The following GTF2A2 variants were observed in gnomAD, a reference collection of about 807,000 sequenced individuals.
GTF2A2 encodes general transcription factor IIA subunit 2, also known as transcription initiation factor IIA subunit 2.
GTF2A2 carries 9 observed loss-of-function variants against 14.3 expected under a neutral mutation model. That is an observed-to-expected ratio of 0.63 (90% CI 0.38 to 1.10). The LOEUF is 1.10. Ranked by LOEUF, GTF2A2 falls within the 50% of genes least tolerant of loss-of-function variation. The pLI, the probability that GTF2A2 is intolerant of heterozygous loss-of-function variation, is 0.01. For synonymous variants in GTF2A2, 56 were observed against 46.0 expected, an observed-to-expected ratio of 1.22 and a Z score of -0.88; for missense variants, 90 against 124.6, an observed-to-expected ratio of 0.72 and a Z score of 1.32.
chr15:59,639,118 CAT>C lies in GTF2A2; in HGVS notation c.*12_*13del, dbSNP rs1491517447. On this transcript the variant is annotated 3_prime_UTR_variant, in exon 5 of 5. Coordinates refer to ENST00000396060, the MANE Select transcript of GTF2A2 (RefSeq NM_004492.3). Reference sequence around the variant, plus strand: ...ATAACAGAAGATGGTGTAAAAAAGTCATATTTTTTCTATTCATTCTGTAGTAT... The same window carrying C: ...ATAACAGAAGATGGTGTAAAAAAGTCATTTTTTCTATTCATTCTGTAGTAT... 5.6e-5 allele frequency: 78 copies of C among 1,389,126 alleles called. No individual in the cohort carries two copies. The highest frequency in any genetic ancestry group is 1.9e-4 in the Middle Eastern group (1 of 5,276). The allele number at this position is 1,389,126 out of a possible 1,614,324, so 86.1% of individuals were successfully genotyped here.
rs1891287782 is a variant in GTF2A2 at position 59,639,061 on chromosome 15, G to A, written c.*71C>T. 6 of 882,734 alleles carry A rather than the reference G, an allele frequency of 6.8e-6. No individual in the cohort carries two copies. Among genetic ancestry groups the A allele is most frequent in the Non-Finnish European group, 1.1e-5 (6 of 523,990 alleles). 54.7% of individuals were successfully genotyped at this position (882,734 alleles called of 1,614,324 possible). On this transcript the variant is annotated 3_prime_UTR_variant, in exon 5 of 5. Coordinates refer to ENST00000396060, the MANE Select transcript of GTF2A2 (RefSeq NM_004492.3). Reference sequence around the variant, plus strand: ...TCTGCAATTCTAGAATAAATAAAAAGTCTCTTCTATGCTTCTCTTCAAAAG... The same window carrying A: ...TCTGCAATTCTAGAATAAATAAAAAATCTCTTCTATGCTTCTCTTCAAAAG...
At chr15:59,642,778 A>AT (rs1185504601) in intron 3 of GTF2A2, among the ~76,000 whole-genome samples, 4 of 152,034 alleles carry the variant, frequency 2.6e-5, no homozygotes, top group Non-Finnish European at 5.9e-5. Context: ...TTTTCATTTT[A>AT]TTTTTTTGAG....
chr15:59,651,320 G>C (rs1325227832), intron 2 of GTF2A2: 3 of 152,778 alleles, frequency 2.0e-5, no homozygotes, highest in Admixed American at 6.5e-5. Context: ...TGGGATTACA[G>C]ATGTGTGCCA....
chr15:59,648,401 C>CAAAAAAAAAAAAAAAAAAAAAAA (rs71425875), intron 3 of GTF2A2, among the ~76,000 whole-genome samples: 1 of 90,568 alleles, frequency 1.1e-5, no homozygotes, highest in Non-Finnish European at 2.0e-5. Context: ...GACTTCGTCT[C>CAAAAAAAAAAAAAAAAAAAAAAA]AAAAAAAAAA....
intron 3 of GTF2A2, among the ~76,000 whole-genome samples, chr15:59,646,395 C>T (rs535140228): frequency 9.9e-4 from 150 of 152,184 alleles, no homozygotes; most frequent in Admixed American, 2.6e-3. Context: ...TTTTATCCCT[C>T]GCCACCCTCC....
intron 3 of GTF2A2, among the ~76,000 whole-genome samples, chr15:59,645,150 T>A (rs765405786): frequency 9.2e-5 from 14 of 152,192 alleles, no homozygotes; most frequent in Non-Finnish European, 1.6e-4. Context: ...AGTTTCTGAC[T>A]TGAATGTCAA....
intron 4 of GTF2A2, among the ~76,000 whole-genome samples, chr15:59,641,875 G>A (rs1339247213): frequency 6.6e-6 from 1 of 152,076 alleles, no homozygotes; most frequent in Non-Finnish European, 1.5e-5. Flanking sequence ...ATGGAAATAG[G>A]GAACAAATGC....
At chr15:59,645,296 C>G (rs541475431) in intron 3 of GTF2A2, among the ~76,000 whole-genome samples, 1 of 152,208 alleles carries the variant, frequency 6.6e-6, no homozygotes, top group Non-Finnish European at 1.5e-5. Flanking sequence ...TTCAGTTTAA[C>G]CAAAGCCAGA....
intron 3 of GTF2A2, 111 bp from the exon 4 acceptor site, chr15:59,642,373 A>G: frequency 1.1e-6 from 1 of 884,656 alleles, no homozygotes. Flanking sequence ...TTTAATGCTT[A>G]GCTTAAGATT....
chr15:59,650,231 A>T (rs1345367056), intron 3 of GTF2A2, among the ~76,000 whole-genome samples: 2 of 152,224 alleles, frequency 1.3e-5, no homozygotes, highest in African/African-American at 4.8e-5. Context: ...TTTATCAGCC[A>T]AGTTACCTAA....
intron 1 of GTF2A2, among the ~76,000 whole-genome samples, chr15:59,653,390 G>A (rs1364929030): frequency 1.3e-5 from 2 of 152,154 alleles, no homozygotes; most frequent in East Asian, 3.8e-4. Context: ...ATAATGGCCA[G>A]CCATCAGTCC....
intron 4 of GTF2A2, among the ~76,000 whole-genome samples, chr15:59,641,910 C>G (rs1891441237): frequency 6.6e-6 from 1 of 152,182 alleles, no homozygotes; most frequent in African/African-American, 2.4e-5. Flanking sequence ...ATTTTACCCA[C>G]ACAAATCCAA....
At chr15:59,656,952 G>T (rs1174959812) in intron 1 of GTF2A2, 3 of 152,146 alleles carry the variant, frequency 2.0e-5, no homozygotes, top group Non-Finnish European at 4.4e-5. Context: ...AGCATTTTTT[G>T]ATTAAACCAC....
At chr15:59,650,958 T>G (rs1891772658) in intron 2 of GTF2A2, among the ~76,000 whole-genome samples, 185 bp from the exon 3 acceptor site, 1 of 152,198 alleles carries the variant, frequency 6.6e-6, no homozygotes. Flanking sequence ...TTTTGTACTA[T>G]CTTGACACAA....
chr15:59,640,663 T>C (rs1363642149), intron 4 of GTF2A2, among the ~76,000 whole-genome samples: 1 of 152,220 alleles, frequency 6.6e-6, no homozygotes, highest in African/African-American at 2.4e-5. Flanking sequence ...TTAATTCATT[T>C]TGATAGAGAT....
At chr15:59,641,711 C>CATG (rs752410147) in intron 4 of GTF2A2, among the ~76,000 whole-genome samples, 1 of 152,176 alleles carries the variant, frequency 6.6e-6, no homozygotes, top group South Asian at 2.1e-4. Context: ...TATTTACCAT[C>CATG]ATGACTCCAA....
chr15:59,649,454 G>T (rs1233430399), intron 3 of GTF2A2, among the ~76,000 whole-genome samples: 1 of 152,104 alleles, frequency 6.6e-6, no homozygotes, highest in Non-Finnish European at 1.5e-5. Context: ...GAACTATCTT[G>T]CCTCTGATAA....
In GTF2A2 at chr15:59,639,166, C is replaced by G; in HGVS notation, c.305-9G>C. The G allele has an allele frequency of 7.0e-7, 1 of 1,437,114 alleles. No individual in the cohort carries two copies. Among genetic ancestry groups the G allele is most frequent in the Non-Finnish European group, 9.8e-7 (1 of 1,023,382 alleles). 89.0% of individuals were successfully genotyped at this position (1,437,114 alleles called of 1,614,324 possible). A position where few individuals can be genotyped will look rare whatever the true frequency, so the allele number is the denominator to read the frequency against. On this transcript the variant is annotated splice_polypyrimidine_tract_variant and intron_variant, in intron 4 of 4. Coordinates refer to ENST00000396060, the MANE Select transcript of GTF2A2 (RefSeq NM_004492.3). ...AGTATTGGAGCCAGTATCTAGGAAA[C>G]AAAAGAGAAAGTAAAGTAAAGTAAA...
intron 3 of GTF2A2, among the ~76,000 whole-genome samples, chr15:59,642,919 A>G (rs1891478690): frequency 6.6e-6 from 1 of 151,942 alleles, no homozygotes; most frequent in South Asian, 2.1e-4. Flanking sequence ...GGTGCCTGCC[A>G]CCACGCCCAG....
Sources: allele counts gnomAD v4.1 joint callset (sites outside exome capture counted in the v4.1 genomes callset), GRCh38; gene constraint gnomAD v4.1.1; transcripts MANE v1.5; gene names NCBI Gene and HGNC (gene_info 2026-07-23, HGNC 2026-07-21).